HERC2: variants seen among roughly 807,000 people sequenced by gnomAD.
HERC2 encodes E3 ubiquitin-protein ligase HERC2.
A neutral mutation model predicts 537.7 loss-of-function variants in HERC2; 102 were observed. That is an observed-to-expected ratio of 0.19 (90% CI 0.16 to 0.22). HERC2 has a LOEUF of 0.22. Ranked by LOEUF, HERC2 falls within the 10% of genes least tolerant of loss-of-function variation. The probability of loss-of-function intolerance (pLI) is 1.00; values close to 1 mark genes in which losing one functional copy is unlikely to be tolerated. For missense variants in HERC2, 4,236 were observed against 6,198.2 expected, an observed-to-expected ratio of 0.68 and a Z score of 10.63; for synonymous variants, 2,224 against 2,466.2, an observed-to-expected ratio of 0.90 and a Z score of 2.91.
At position 28,113,300 on chromosome 15, in the gene HERC2, G is replaced by A. The variant is rs1887853038; in HGVS notation, c.14020-17C>T. ...GCCACACACCTGCGGGAGGATGTCTGTCAGGGCCGCGTGATGCTTCCCACC... is the reference window on the plus strand; with the variant it reads ...GCCACACACCTGCGGGAGGATGTCTATCAGGGCCGCGTGATGCTTCCCACC... On this transcript the variant is annotated splice_polypyrimidine_tract_variant and intron_variant, in intron 91 of 92. Transcript: ENST00000261609. This position sits in a 1 kb window ranked among gnomAD's most constrained non-coding sequence, Gnocchi z 7.0. The A allele has an allele frequency of 6.2e-7, 1 of 1,612,060 alleles. No homozygotes were observed. Among genetic ancestry groups the A allele is most frequent in the Non-Finnish European group, 8.5e-7 (1 of 1,178,420 alleles).
At chr15:28,241,572 A>G (rs755846575) in intron 23 of HERC2, among the ~76,000 whole-genome samples, 1 of 152,240 alleles carries the variant, frequency 6.6e-6, no homozygotes, top group Non-Finnish European at 1.5e-5. Flanking sequence ...CCGTAATCCC[A>G]TCACTTTGGG....
chr15:28,238,361 G>C (rs988289038), intron 24 of HERC2, 144 bp from the exon 25 acceptor site: 10 of 792,072 alleles, frequency 1.3e-5, no homozygotes, highest in Admixed American at 1.0e-4. Flanking sequence ...CTGTCTCCCA[G>C]GGTTGCCTGG....
chr15:28,255,779 AGTT>A, intron 19 of HERC2, 90 bp downstream of exon 19: 1 of 1,335,460 alleles, frequency 7.5e-7, no homozygotes. Context: ...AAAAGTTTAG[AGTT>A]TTACTGTTTT....
chr15:28,197,794 A>C (rs1897494731), intron 50 of HERC2, among the ~76,000 whole-genome samples: 1 of 152,156 alleles, frequency 6.6e-6, no homozygotes, highest in African/African-American at 2.4e-5. Context: ...CAATGTTAGA[A>C]CATTTCACAG....
rs955003535 is a variant in HERC2 at position 28,122,515 on chromosome 15, C to T, written c.13189-1086G>A. Among the ~76,000 whole-genome samples, 3 of 152,180 alleles carry T rather than the reference C, an allele frequency of 2.0e-5. No homozygotes were observed. Among genetic ancestry groups the T allele is most frequent in the Admixed American group, 1.3e-4 (2 of 15,294 alleles). On this transcript the variant is annotated intron_variant, in intron 85 of 92. Transcript: ENST00000261609. The surrounding 1 kb of genome is among the most constrained non-coding windows in gnomAD (Gnocchi z 4.1). ...AAAGGGTATCCTGGCGGCACCCCAG[C>T]CCCATGCCTCTCGCACAGCCCAGAC...
intron 20 of HERC2, among the ~76,000 whole-genome samples, 156 bp from the exon 21 acceptor site, chr15:28,248,892 G>T (rs747744437): frequency 1.3e-5 from 2 of 152,192 alleles, no homozygotes; most frequent in Non-Finnish European, 2.9e-5. Context: ...CAATGTATCT[G>T]CAACAAGCGC....
intron 78 of HERC2, among the ~76,000 whole-genome samples, chr15:28,139,815 C>T (rs1157968442): frequency 6.6e-6 from 1 of 151,458 alleles, no homozygotes; most frequent in Non-Finnish European, 1.5e-5. Flanking sequence ...AATCCCAGCA[C>T]TTTGGGAGGC....
intron 83 of HERC2, among the ~76,000 whole-genome samples, chr15:28,128,238 G>A (rs1042892874): frequency 6.6e-6 from 1 of 152,226 alleles, no homozygotes. Flanking sequence ...CTTGCCAGCT[G>A]ACTGGCAGGC....
rs79120569 is a variant in HERC2 at position 28,278,351 on chromosome 15, G to A, written c.542+1717C>T. Among the ~76,000 whole-genome samples, 166 of 152,096 alleles carry A rather than the reference G, an allele frequency of 1.1e-3. 2 individuals carry two copies. Among genetic ancestry groups the A allele is most frequent in the Middle Eastern group, 6.8e-3 (2 of 294 alleles). Reference sequence around the variant, plus strand: ...GAAGCCATGATGGCCCCACTGCCCTGGGCAACAGTGAGACCCCCATGTCAA... The same window carrying A: ...GAAGCCATGATGGCCCCACTGCCCTAGGCAACAGTGAGACCCCCATGTCAA... On this transcript the variant is annotated intron_variant, in intron 5 of 92. Transcript: ENST00000261609.
rs1405930417 is a variant in HERC2, at chr15:28,132,655, G to C, written c.12406C>G (p.Leu4136Val). The C allele has an allele frequency of 3.9e-6, 6 of 1,519,744 alleles. No individual in the cohort carries two copies. Among genetic ancestry groups the C allele is most frequent in the African/African-American group, 1.4e-5 (1 of 70,874 alleles). The allele number at this position is 1,519,744 out of a possible 1,614,324, so 94.1% of individuals were successfully genotyped here. ...SDSEDQLKPKLVEALQGHRVV... is the reference protein window; with the variant it reads ...SDSEDQLKPKVVEALQGHRVV... ...CTCTGCACACGGCGCCTCCTCACCA[G>C]CTTCGGCTTCAGCTGGTCCTCACTG... Residue 4136 changes from leucine to valine, a missense_variant and splice_region_variant, in exon 80 of 93, where the codon CTG becomes GTG. Physicochemically the swap from Leu to Val is conservative, Grantham distance 32. Around this residue, in one of 27 missense-constraint regions of HERC2, gnomAD observed 94 missense variants for 137.4 expected, o/e 0.68. Coordinates refer to ENST00000261609, the MANE Select transcript of HERC2 (RefSeq NM_004667.6).
At chr15:28,125,303 G>T in intron 83 of HERC2, 110 bp from the exon 84 acceptor site, 2 of 872,080 alleles carry the variant, frequency 2.3e-6, no homozygotes, top group South Asian at 1.5e-5. Context: ...CCTTCAGCTG[G>T]TGTTGACCTA....
rs1245961629 is a variant in HERC2 at position 28,187,644 on chromosome 15, G to A, written c.8650-892C>T. 2.6e-5 allele frequency among the ~76,000 whole-genome samples: 4 copies of A among 152,026 alleles called. No individual in the cohort carries two copies. In the East Asian group the frequency reaches 7.7e-4, roughly 29 times the overall value. On this transcript the variant is annotated intron_variant, in intron 55 of 92. Coordinates refer to ENST00000261609, the MANE Select transcript of HERC2 (RefSeq NM_004667.6). ...CACCGCGCCTGGCCAGAATTATGGA[G>A]TTTTTTGAAAAACATATCCGCATTG...
At chr15:28,163,376 T>C (rs1893812181) in intron 68 of HERC2, 91 bp from the exon 69 acceptor site, 7 of 1,165,044 alleles carry the variant, frequency 6.0e-6, no homozygotes, top group Admixed American at 2.1e-5. Context: ...AGAGAACACA[T>C]GAATACCAAC....
intron 20 of HERC2, among the ~76,000 whole-genome samples, 159 bp from the exon 21 acceptor site, chr15:28,248,895 A>G (rs1288775097): frequency 1.3e-5 from 2 of 152,230 alleles, no homozygotes; most frequent in African/African-American, 4.8e-5. Flanking sequence ...TGTATCTGCA[A>G]CAAGCGCAAC....
At chr15:28,123,416 T>C (rs1228826648) in intron 85 of HERC2, among the ~76,000 whole-genome samples, 5 of 152,220 alleles carry the variant, frequency 3.3e-5, no homozygotes, top group Non-Finnish European at 7.3e-5. Context: ...CCCTTCAAGA[T>C]CATCTTGTCA....
chr15:28,222,811 G>C (rs188329387), intron 35 of HERC2, among the ~76,000 whole-genome samples: 13 of 152,266 alleles, frequency 8.5e-5, no homozygotes, highest in Non-Finnish European at 1.9e-4. Context: ...TATGCGCCAG[G>C]AAGGGGGTGC....
chr15:28,144,599 C>A, intron 72 of HERC2, 74 bp downstream of exon 72: 1 of 1,597,718 alleles, frequency 6.3e-7, no homozygotes, highest in African/African-American at 1.3e-5. Flanking sequence ...TGGACATGTG[C>A]ACGTGTCCCT....
intron 69 of HERC2, among the ~76,000 whole-genome samples, chr15:28,162,892 A>G (rs1283056030): frequency 3.9e-5 from 6 of 152,242 alleles, no homozygotes; most frequent in African/African-American, 1.4e-4. Flanking sequence ...CTCCGTCTCA[A>G]AAAAACAAAA....
intron 23 of HERC2, among the ~76,000 whole-genome samples, chr15:28,241,174 A>G (rs1411438280): frequency 1.3e-5 from 2 of 152,150 alleles, no homozygotes; most frequent in African/African-American, 4.8e-5. Flanking sequence ...AACTCCTAAA[A>G]CCCAACAAGA....
Sources: allele counts gnomAD v4.1 joint callset (sites outside exome capture counted in the v4.1 genomes callset), GRCh38; gene constraint gnomAD v4.1.1; regional missense constraint gnomAD v4.1.1; non-coding constraint Gnocchi (gnomAD v3.1); transcripts MANE v1.5; gene names NCBI Gene and HGNC (gene_info 2026-07-23, HGNC 2026-07-21).